RSRC1: variants seen among roughly 807,000 people sequenced by gnomAD.
The protein encoded by RSRC1 is arginine and serine rich coiled-coil 1.
In RSRC1, 39 loss-of-function variants were observed where a neutral mutation model predicts 49.1. The ratio of observed to expected loss-of-function variants is 0.79; its 90% confidence interval spans 0.61 to 1.04. The LOEUF (loss-of-function observed/expected upper bound fraction) is 1.04. RSRC1 is among the 50% of genes least tolerant of loss of function. The pLI is 0.00. For missense variants in RSRC1, 388 were observed against 402.4 expected (o/e 0.96, Z 0.31); for synonymous variants, 143 against 130.8 (o/e 1.09, Z -0.63).
chr3:158,327,695 G>A (rs1479144936), intron 5 of RSRC1, among the ~76,000 whole-genome samples: 1 of 151,986 alleles, frequency 6.6e-6, no homozygotes, highest in Non-Finnish European at 1.5e-5. Flanking sequence ...GTGCTGAAAA[G>A]AATGTATATT....
intron 5 of RSRC1, among the ~76,000 whole-genome samples, chr3:158,311,575 C>T (rs1335762558): frequency 1.3e-5 from 2 of 151,860 alleles, no homozygotes; most frequent in Non-Finnish European, 2.9e-5. Context: ...CCCTTTTCCT[C>T]TACACACATA....
intron 5 of RSRC1, among the ~76,000 whole-genome samples, chr3:158,321,560 GT>G (rs142748510): frequency 0.024 from 3,362 of 141,606 alleles, 49 homozygotes; most frequent in Middle Eastern, 0.048. Context: ...ATATTTTTGT[GT>G]TTTTTTTTTT....
chr3:158,363,750 A>G (rs1369134082), intron 6 of RSRC1, among the ~76,000 whole-genome samples: 2 of 152,198 alleles, frequency 1.3e-5, no homozygotes, highest in Admixed American at 6.5e-5. Flanking sequence ...TGATACCACA[A>G]AGGGATTAAA....
Position 158,518,148 on chromosome 3 carries a change from A to ATATATTTTTTTTTTT in RSRC1, c.653-18943_653-18942insATATTTTTTTTTTTT, listed in dbSNP as rs1310027981. 7.7e-4 allele frequency among the ~76,000 whole-genome samples: 34 copies of ATATATTTTTTTTTTT among 44,134 alleles called. 2 individuals are homozygous for ATATATTTTTTTTTTT. Among genetic ancestry groups the ATATATTTTTTTTTTT allele is most frequent in the African/African-American group, 4.9e-3 (32 of 6,500 alleles). The allele number at this position is 44,134 out of a possible 152,430, so 29.0% of individuals were successfully genotyped here. ...TGTGTATATATATATATATATATAT[A>ATATATTTTTTTTTTT]TTTTTTTTTTTTTTTTTTTTACTCC... On this transcript the variant is annotated intron_variant, in intron 7 of 9. Coordinates refer to ENST00000611884, the MANE Select transcript of RSRC1 (RefSeq NM_001271838.2).
chr3:158,351,956 T>A (rs1730905371), intron 5 of RSRC1, among the ~76,000 whole-genome samples: 1 of 147,672 alleles, frequency 6.8e-6, no homozygotes, highest in Non-Finnish European at 1.5e-5. Context: ...TTATAATATA[T>A]AAATATTATA....
At chr3:158,436,367 A>C (rs941540356) in intron 6 of RSRC1, among the ~76,000 whole-genome samples, 3 of 151,778 alleles carry the variant, frequency 2.0e-5, no homozygotes, top group African/African-American at 7.3e-5. Context: ...TGAACTACAG[A>C]GCTAAATTTG....
intron 5 of RSRC1, among the ~76,000 whole-genome samples, chr3:158,338,859 T>C (rs138101456): frequency 3.9e-5 from 6 of 152,354 alleles, no homozygotes; most frequent in African/African-American, 1.2e-4. Context: ...AGGTAACTTA[T>C]TCTTCTCTAA....
At chr3:158,412,686 G>C (rs1214825115) in intron 6 of RSRC1, among the ~76,000 whole-genome samples, 1 of 152,050 alleles carries the variant, frequency 6.6e-6, no homozygotes, top group Non-Finnish European at 1.5e-5. Flanking sequence ...TGAGAGCAGT[G>C]GCTCATGCTT....
At chr3:158,402,294 T>A (rs1042247399) in intron 6 of RSRC1, among the ~76,000 whole-genome samples, 38 of 151,958 alleles carry the variant, frequency 2.5e-4, no homozygotes, top group African/African-American at 8.7e-4. Context: ...ATATTTGGCC[T>A]ATTAAAAGCT....
intron 4 of RSRC1, among the ~76,000 whole-genome samples, chr3:158,232,186 ATAG>A (rs998197349): frequency 2.6e-4 from 40 of 152,240 alleles, no homozygotes; most frequent in African/African-American, 9.6e-4. Context: ...AATTCTTAAA[ATAG>A]TAGTCTAAAA....
intron 4 of RSRC1, among the ~76,000 whole-genome samples, chr3:158,242,955 T>A (rs935284297): frequency 2.0e-5 from 3 of 152,200 alleles, no homozygotes; most frequent in African/African-American, 7.2e-5. Context: ...ATTAGACCCT[T>A]GTCAGATGGG....
intron 5 of RSRC1, among the ~76,000 whole-genome samples, chr3:158,334,931 G>A (rs1729801121): frequency 6.6e-6 from 1 of 152,080 alleles, no homozygotes; most frequent in South Asian, 2.1e-4. Flanking sequence ...TTCTAAACTT[G>A]CATTAAAATA....
intron 6 of RSRC1, among the ~76,000 whole-genome samples, chr3:158,393,951 T>C (rs184256102): frequency 2.9e-4 from 44 of 152,132 alleles, no homozygotes; most frequent in African/African-American, 1.1e-3. Context: ...AAAAAGCTAA[T>C]CCACTAAAAT....
At chr3:158,127,755 G>GTT (rs1715721506) in intron 3 of RSRC1, among the ~76,000 whole-genome samples, 1 of 73,306 alleles carries the variant, frequency 1.4e-5, no homozygotes, top group African/African-American at 5.6e-5. Context: ...ACTGCTTTGT[G>GTT]GTTTTTTTTT....
intron 5 of RSRC1, among the ~76,000 whole-genome samples, chr3:158,314,771 A>G (rs1728326132): frequency 6.6e-6 from 1 of 152,238 alleles, no homozygotes; most frequent in East Asian, 1.9e-4. Context: ...ATAATTTAAA[A>G]AATGTAGTGT....
chr3:158,156,909 G>A (rs1445055469), intron 3 of RSRC1, among the ~76,000 whole-genome samples: 1 of 152,156 alleles, frequency 6.6e-6, no homozygotes, highest in Non-Finnish European at 1.5e-5. Flanking sequence ...GTAACACAGA[G>A]ACACTAAGTG....
intron 5 of RSRC1, among the ~76,000 whole-genome samples, chr3:158,340,881 G>A (rs112490407): frequency 0.074 from 11,203 of 152,220 alleles, 1,420 homozygotes; most frequent in African/African-American, 0.26. Flanking sequence ...TGCTGATAGC[G>A]ATACGGACAA....
intron 6 of RSRC1, among the ~76,000 whole-genome samples, chr3:158,411,288 G>T (rs1403925785): frequency 6.6e-6 from 1 of 152,064 alleles, no homozygotes; most frequent in African/African-American, 2.4e-5. Flanking sequence ...CCTGGCACAG[G>T]TTGATCTTCT....
At chr3:158,398,615 C>T (rs1733730161) in intron 6 of RSRC1, among the ~76,000 whole-genome samples, 1 of 152,176 alleles carries the variant, frequency 6.6e-6, no homozygotes, top group Non-Finnish European at 1.5e-5. Context: ...AGGACACAGA[C>T]ATTCAAACCA....
Sources: allele counts gnomAD v4.1 joint callset (sites outside exome capture counted in the v4.1 genomes callset), GRCh38; gene constraint gnomAD v4.1.1; transcripts MANE v1.5; gene names NCBI Gene and HGNC (gene_info 2026-07-23, HGNC 2026-07-21).